KCNJ5: variants seen among roughly 807,000 people sequenced by gnomAD.
The protein encoded by KCNJ5 is potassium inwardly rectifying channel subfamily J member 5.
A neutral mutation model predicts 20.2 loss-of-function variants in KCNJ5; 12 were observed. The ratio of observed to expected loss-of-function variants is 0.59; its 90% CI spans 0.38 to 0.96. The LOEUF (loss-of-function observed/expected upper bound fraction) is 0.96. Ranked by LOEUF, KCNJ5 falls within the 40% of genes least tolerant of loss-of-function variation. KCNJ5 has a pLI of 0.00. For synonymous variants in KCNJ5, 210 were observed against 213.9 expected, an observed-to-expected ratio of 0.98 and a Z score of 0.16; for missense variants, 449 against 557.6, an observed-to-expected ratio of 0.81 and a Z score of 1.96.
In KCNJ5 at chr11:128,905,331, A is replaced by G. The variant is rs559155856; in HGVS notation, c.-10-5933A>G. Among the ~76,000 whole-genome samples the G allele has an allele frequency of 3.4e-3, 509 of 151,614 alleles. 4 individuals are homozygous for G. Among genetic ancestry groups the G allele is most frequent in the African/African-American group, 0.012 (483 of 41,426 alleles). The stretch of plus-strand genomic sequence containing the variant: ...CAGAGCTGCAGCTGGCCAGGGGGCC[A>G]CACCCAGGCGTCGAGCACCGCCTTA... On this transcript the variant is annotated intron_variant, in intron 1 of 2. Transcript: ENST00000529694.
intron 1 of KCNJ5, chr11:128,904,541 G>T: frequency 7.6e-7 from 1 of 1,320,566 alleles, no homozygotes; most frequent in Non-Finnish European, 1.1e-6. Flanking sequence ...ACTCAGGTGT[G>T]CACTGAGGAC....
intron 1 of KCNJ5, among the ~76,000 whole-genome samples, chr11:128,906,866 C>T (rs555836346): frequency 6.6e-6 from 1 of 152,290 alleles, no homozygotes; most frequent in Non-Finnish European, 1.5e-5. Context: ...TGGGGTTCCT[C>T]AGGGGGTGTA....
In KCNJ5 at chr11:128,911,707, A is replaced by C; in HGVS notation, c.434A>C (p.Glu145Ala). The C allele has an allele frequency of 6.2e-7, 1 of 1,614,150 alleles. No homozygotes were observed. Among genetic ancestry groups the C allele is most frequent in the Non-Finnish European group, 8.5e-7 (1 of 1,180,028 alleles). The change falls in exon 2 of 3, where the codon GAG becomes GCG. Residue 145 changes from glutamate to alanine, a missense_variant. This residue lies in a region of KCNJ5 where 203 missense variants were observed against 258.0 expected (regional missense o/e 0.79). Transcript: ENST00000529694. This position sits in a 1 kb window ranked among gnomAD's most constrained non-coding sequence, Gnocchi z 6.3. ...GTGTCCGCTTTCCTGTTCTCCATTG[A>C]GACCGAAACAACCATTGGGTATGGC... ...GFVSAFLFSI[E>A]TETTIGYGFR...
intron 2 of KCNJ5, among the ~76,000 whole-genome samples, chr11:128,912,707 C>T (rs980149343): frequency 2.0e-5 from 3 of 152,186 alleles, no homozygotes; most frequent in Admixed American, 6.5e-5. Flanking sequence ...GACAGGGTTT[C>T]ACCATGTCGG....
At position 128,903,629 on chromosome 11, in the gene KCNJ5, G is replaced by C. The variant is rs778412452; in HGVS notation, c.-10-7635G>C. Reference sequence around the variant, plus strand: ...CAAGCAGACCTTCAGAGAGTGACGGGGCACTCTTGGTGATGATGCCAGAAT... The same window carrying C: ...CAAGCAGACCTTCAGAGAGTGACGGCGCACTCTTGGTGATGATGCCAGAAT... On this transcript the variant is annotated intron_variant, in intron 1 of 2. Coordinates refer to ENST00000529694, the MANE Select transcript of KCNJ5 (RefSeq NM_000890.5). 8.2e-6 allele frequency: 9 copies of C among 1,102,092 alleles called. No homozygotes were observed. The South Asian group carries it at 1.3e-4, about 16-fold the overall frequency. 68.3% of individuals were successfully genotyped at this position (1,102,092 alleles called of 1,614,324 possible).
intron 1 of KCNJ5, chr11:128,904,566 T>C (rs1406519391): frequency 9.4e-7 from 1 of 1,058,440 alleles, no homozygotes; most frequent in Non-Finnish European, 1.5e-6. Flanking sequence ...CGCGTCAACA[T>C]CACTGCGGCT....
chr11:128,911,488 G>C lies in KCNJ5; in HGVS notation c.215G>C (p.Arg72Pro), dbSNP rs1294878768. 6.2e-7 allele frequency: 1 copy of C among 1,614,120 alleles called. No individual in the cohort carries two copies. Among genetic ancestry groups the C allele is most frequent in the East Asian group, 2.2e-5 (1 of 44,896 alleles). ...VHHGNVQETY[R>P]YLSDLFTTLV... ...CACGGCAACGTCCAGGAGACCTACCGGTACCTGAGTGACCTCTTCACCACC... is the reference window on the plus strand; with the variant it reads ...CACGGCAACGTCCAGGAGACCTACCCGTACCTGAGTGACCTCTTCACCACC... The change falls in exon 2 of 3, where the codon CGG becomes CCG. Residue 72 changes from arginine (R) to proline (P), a missense_variant. Coordinates refer to ENST00000529694, the MANE Select transcript of KCNJ5 (RefSeq NM_000890.5). The surrounding 1 kb of genome is among the most constrained non-coding windows in gnomAD (Gnocchi z 6.3).
chr11:128,911,512 C>T lies in KCNJ5; in HGVS notation c.239C>T (p.Thr80Ile). The T allele has an allele frequency of 6.2e-7, 1 of 1,614,258 alleles. No individual in the cohort carries two copies. Among genetic ancestry groups the T allele is most frequent in the Non-Finnish European group, 8.5e-7 (1 of 1,180,046 alleles). Residue 80 changes from threonine to isoleucine, a missense_variant, in exon 2 of 3, where the codon ACC becomes ATC. Around this residue, in one of 5 missense-constraint regions of KCNJ5, gnomAD observed 203 missense variants for 258.0 expected, o/e 0.79. Transcript: ENST00000529694. The surrounding 1 kb of genome is among the most constrained non-coding windows in gnomAD (Gnocchi z 6.3). Reference sequence around the variant, plus strand: ...CGGTACCTGAGTGACCTCTTCACCACCCTGGTGGACCTCAAGTGGCGCTTC... The same window carrying T: ...CGGTACCTGAGTGACCTCTTCACCATCCTGGTGGACCTCAAGTGGCGCTTC... ...TYRYLSDLFTTLVDLKWRFNL... is the reference protein window; with the variant it reads ...TYRYLSDLFTILVDLKWRFNL...
chr11:128,906,550 C>T (rs1944419163), intron 1 of KCNJ5, among the ~76,000 whole-genome samples: 1 of 152,166 alleles, frequency 6.6e-6, no homozygotes, highest in Non-Finnish European at 1.5e-5. Context: ...GTGGTTCTGG[C>T]AGAATTCAGG....
rs988046526 is a variant in KCNJ5 at position 128,916,508 on chromosome 11, T to C, written c.1037T>C (p.Val346Ala). Residue 346 changes from valine to alanine, a missense_variant, in exon 3 of 3, where the codon GTG becomes GCG. Transcript: ENST00000529694. ...ACCTTGGAAAAGGGCTTCTATGAGG[T>C]GGACTACAACACCTTCCATGATACC... ...VLTLEKGFYE[V>A]DYNTFHDTYE... 1 of 1,614,004 alleles carries C rather than the reference T, an allele frequency of 6.2e-7. No homozygotes were observed. The highest frequency in any genetic ancestry group is 8.5e-7 in the Non-Finnish European group (1 of 1,180,020).
At chr11:128,892,995 A>G (rs997321402) in intron 1 of KCNJ5, among the ~76,000 whole-genome samples, 2 of 152,190 alleles carry the variant, frequency 1.3e-5, no homozygotes, top group African/African-American at 4.8e-5. Context: ...TCCACTAACA[A>G]AAGCTAATTC....
At chr11:128,909,814 G>A (rs1944472399) in intron 1 of KCNJ5, 2 of 152,226 alleles carry the variant, frequency 1.3e-5, no homozygotes, top group Non-Finnish European at 2.9e-5. Context: ...AGAGGAAGAA[G>A]GGTTGAAAGA....
intron 1 of KCNJ5, chr11:128,901,428 A>C (rs1944274014): frequency 6.6e-6 from 1 of 152,410 alleles, no homozygotes; most frequent in Admixed American, 6.5e-5. Flanking sequence ...TGTTCTGCAA[A>C]GAAAAACCAA....
intron 1 of KCNJ5, chr11:128,902,361 C>A (rs1048507177): frequency 3.7e-5 from 25 of 681,938 alleles, no homozygotes; most frequent in Non-Finnish European, 5.2e-5. Context: ...CCATTGAGAC[C>A]ATTTTTACTG....
At chr11:128,914,338 G>A (rs369209956) in intron 2 of KCNJ5, among the ~76,000 whole-genome samples, 3 of 152,244 alleles carry the variant, frequency 2.0e-5, no homozygotes, top group South Asian at 2.1e-4. Flanking sequence ...TATCTGCCCC[G>A]CTGCCCCGCT....
chr11:128,892,415 GGGCTCT>G (rs1219128199), intron 1 of KCNJ5, among the ~76,000 whole-genome samples: 1 of 152,138 alleles, frequency 6.6e-6, no homozygotes, highest in Non-Finnish European at 1.5e-5. Flanking sequence ...CCCTCAAACA[GGGCTCT>G]CCAACCCCAG....
rs886047994 is a variant in KCNJ5 at position 128,891,435 on chromosome 11, C to CAGAGAGAGAGAGAG, written c.-296_-295insGAGAGAGAGAGAGA. On this transcript the variant is annotated 5_prime_UTR_variant, in exon 1 of 3. Transcript: ENST00000529694. ...ACACACACACACACACACACACACA[C>CAGAGAGAGAGAGAG]ACACACAGAGAGAGAGAGAGAGAGA... The CAGAGAGAGAGAGAG allele has an allele frequency of 4.3e-4, 37 of 85,148 alleles. No homozygotes were observed. The highest frequency in any genetic ancestry group is 1.7e-3 in the East Asian group (4 of 2,400). 5.3% of individuals were successfully genotyped at this position (85,148 alleles called of 1,614,324 possible).
intron 1 of KCNJ5, chr11:128,901,070 C>T (rs1337274953): frequency 2.6e-5 from 4 of 152,166 alleles, no homozygotes; most frequent in Non-Finnish European, 5.9e-5. Context: ...GGGTGGTAAC[C>T]TGTAGAGTAA....
chr11:128,903,782 G>A (rs1360930147), intron 1 of KCNJ5, among the ~76,000 whole-genome samples: 1 of 152,204 alleles, frequency 6.6e-6, no homozygotes, highest in Non-Finnish European at 1.5e-5. Flanking sequence ...TGCTGGAGGG[G>A]AGCAGGAGGG....
Sources: gnomAD v4.1 joint callset for allele counts (sites outside exome capture counted in the v4.1 genomes callset) on GRCh38, gnomAD v4.1.1 for gene constraint, gnomAD v4.1.1 regional missense constraint, Gnocchi (gnomAD v3.1) non-coding constraint, MANE v1.5 for transcripts, NCBI Gene and HGNC (gene_info 2026-07-23, HGNC 2026-07-21) for gene names.